Variants in GPRC6A observed in about 807,000 individuals in gnomAD.
The protein encoded by GPRC6A is G protein-coupled receptor family C group 6 member A.
GPRC6A carries 54 observed loss-of-function variants against 47.0 expected under a neutral mutation model. The observed-to-expected ratio is 1.15, with a 90% CI of 0.92 to 1.44. GPRC6A has a LOEUF of 1.44. Among genes scored for constraint, GPRC6A ranks in the 40% most tolerant of loss-of-function variants. The pLI, the probability that GPRC6A is intolerant of heterozygous loss-of-function variation, is 0.00. For synonymous variants in GPRC6A, 347 were observed against 377.1 expected, an observed-to-expected ratio of 0.92 and a Z score of 0.93; for missense variants, 1,112 against 1,105.5, an observed-to-expected ratio of 1.01 and a Z score of -0.08.
chr6:116,812,525 A>C (rs919304722), intron 1 of GPRC6A, among the ~76,000 whole-genome samples: 1 of 152,200 alleles, frequency 6.6e-6, no homozygotes, highest in Non-Finnish European at 1.5e-5. Flanking sequence ...AGAAAACAAC[A>C]TAGAATATAT....
intron 3 of GPRC6A, among the ~76,000 whole-genome samples, chr6:116,804,750 T>C (rs1772785305): frequency 1.3e-5 from 2 of 152,104 alleles, no homozygotes; most frequent in Admixed American, 6.6e-5. Flanking sequence ...TTATTCCTAA[T>C]TTAAAATACT....
At chr6:116,812,263 T>G (rs185392852) in intron 1 of GPRC6A, among the ~76,000 whole-genome samples, 1 of 152,224 alleles carries the variant, frequency 6.6e-6, no homozygotes, top group East Asian at 1.9e-4. Context: ...GGATACTATA[T>G]CCAGAAAACT....
chr6:116,816,595 C>T (rs1056984832), intron 1 of GPRC6A, among the ~76,000 whole-genome samples: 6 of 152,318 alleles, frequency 3.9e-5, no homozygotes, highest in South Asian at 4.1e-4. Flanking sequence ...ACGCAGAAGA[C>T]GGGTGATTTC....
chr6:116,825,652 A>G (rs1245110153), intron 1 of GPRC6A, among the ~76,000 whole-genome samples: 2 of 151,948 alleles, frequency 1.3e-5, no homozygotes, highest in Non-Finnish European at 2.9e-5. Context: ...AAACCAACAT[A>G]TGGAGTCAAT....
intron 4 of GPRC6A, among the ~76,000 whole-genome samples, chr6:116,798,465 T>C: frequency 6.6e-6 from 1 of 152,112 alleles, no homozygotes; most frequent in East Asian, 1.9e-4. Flanking sequence ...GTCAGGTTCG[T>C]ACTGGGGGTA....
At chr6:116,820,581 C>A (rs1347635319) in intron 1 of GPRC6A, among the ~76,000 whole-genome samples, 4 of 148,372 alleles carry the variant, frequency 2.7e-5, no homozygotes, top group Non-Finnish European at 4.5e-5. Flanking sequence ...TGTAATCCAG[C>A]ATATAAACAG....
chr6:116,798,955 G>A (rs1218008849), intron 4 of GPRC6A, among the ~76,000 whole-genome samples: 1 of 152,034 alleles, frequency 6.6e-6, no homozygotes, highest in Admixed American at 6.6e-5. Flanking sequence ...CAATAATCTG[G>A]GTGAGAAGTG....
Position 116,792,889 on chromosome 6 carries a change from C to T in GPRC6A, c.2034G>A (p.Leu678=). ...CTAGCAAAATTTTCAGAGACTTCGT[C>T]AAAATGCAGGAGATGCAAAGAGTAA... The part of the protein sequence containing the change: ...VSFTLCISCI[L]TKSLKILLAF... The change falls in exon 6 of 6, where the codon TTG becomes TTA. Residue 678 remains leucine, a synonymous_variant. Coordinates refer to ENST00000310357, the MANE Select transcript of GPRC6A (RefSeq NM_148963.4). The T allele has an allele frequency of 6.2e-7, 1 of 1,614,058 alleles. No individual in the cohort carries two copies. The highest frequency in any genetic ancestry group is 8.5e-7 in the Non-Finnish European group (1 of 1,179,992).
intron 1 of GPRC6A, among the ~76,000 whole-genome samples, chr6:116,820,183 C>A (rs1365606432): frequency 6.6e-6 from 1 of 151,558 alleles, no homozygotes; most frequent in Admixed American, 6.6e-5. Flanking sequence ...CTGAATAGAC[C>A]AATAACAGGA....
At chr6:116,827,222 A>G (rs1329071595) in intron 1 of GPRC6A, among the ~76,000 whole-genome samples, 2 of 152,020 alleles carry the variant, frequency 1.3e-5, no homozygotes, top group Non-Finnish European at 2.9e-5. Flanking sequence ...CCCAATATAT[A>G]GAAGTGACAA....
At chr6:116,805,971 T>G (rs1461551781) in intron 3 of GPRC6A, among the ~76,000 whole-genome samples, 1 of 152,116 alleles carries the variant, frequency 6.6e-6, no homozygotes, top group Non-Finnish European at 1.5e-5. Context: ...CAGTTGTATT[T>G]CTGGTACTCC....
chr6:116,828,698 C>T, intron 1 of GPRC6A, 122 bp downstream of exon 1: 1 of 813,128 alleles, frequency 1.2e-6, no homozygotes, highest in Non-Finnish European at 1.8e-6. Context: ...CCATATGCAA[C>T]TTAAAAATAC....
At position 116,806,572 on chromosome 6, in the gene GPRC6A, T is replaced by C; in HGVS notation, c.1133A>G (p.Asn378Ser). ...KDTDLSQCIF[N>S]HSQRTLAYKA... ...GTAGGCCAAAGTCCTTTGAGAATGA[T>C]TGAATATGCATTGACTCAAATCAGT... is the stretch of plus-strand genomic sequence containing the variant. Residue 378 changes from asparagine (N) to serine (S), a missense_variant, in exon 3 of 6, where the codon AAT becomes AGT. Physicochemically the swap from Asn to Ser is conservative, Grantham distance 46. Transcript: ENST00000310357. 4 of 1,613,616 alleles carry C rather than the reference T, an allele frequency of 2.5e-6. No individual in the cohort carries two copies. The highest frequency in any genetic ancestry group is 8.5e-7 in the Non-Finnish European group (1 of 1,179,756).
At chr6:116,814,417 T>C (rs933933197) in intron 1 of GPRC6A, among the ~76,000 whole-genome samples, 3 of 152,164 alleles carry the variant, frequency 2.0e-5, no homozygotes, top group Admixed American at 6.5e-5. Flanking sequence ...TGGAGTACTA[T>C]GCAGCCATAA....
Position 116,828,895 on chromosome 6 carries a change from C to A in GPRC6A, c.119G>T (p.Gly40Val). ...ATSPGHIIIG[G>V]LFAIHEKMLS... ...CATTTTTTCATGAATAGCAAACAAA[C>A]CTCCAATTATGATATGTCCCGGAGA... Residue 40 changes from glycine to valine, a missense_variant, in exon 1 of 6, where the codon GGT becomes GTT. By Grantham distance (109) the Gly-to-Val change is moderately radical. Coordinates refer to ENST00000310357, the MANE Select transcript of GPRC6A (RefSeq NM_148963.4). 3 of 1,613,306 alleles carry A rather than the reference C, an allele frequency of 1.9e-6. No homozygotes were observed. Among genetic ancestry groups the A allele is most frequent in the Non-Finnish European group, 2.5e-6 (3 of 1,179,562 alleles).
chr6:116,803,170 C>T (rs1380370795), intron 3 of GPRC6A, among the ~76,000 whole-genome samples: 1 of 152,116 alleles, frequency 6.6e-6, no homozygotes, highest in Admixed American at 6.6e-5. Flanking sequence ...TGCTCTCTGT[C>T]ATCATTTACA....
At chr6:116,813,670 G>A (rs1275569773) in intron 1 of GPRC6A, among the ~76,000 whole-genome samples, 2 of 152,114 alleles carry the variant, frequency 1.3e-5, no homozygotes, top group East Asian at 1.9e-4. Context: ...AGAAAACCTA[G>A]GCAGTACCAT....
chr6:116,818,185 A>G (rs868826484), intron 1 of GPRC6A, among the ~76,000 whole-genome samples: 58 of 149,436 alleles, frequency 3.9e-4, no homozygotes, highest in Admixed American at 8.6e-4. Context: ...CGGATCTCTC[A>G]GCAGAAACCC....
chr6:116,807,501 G>A (rs1016706685), intron 2 of GPRC6A, among the ~76,000 whole-genome samples: 23 of 152,210 alleles, frequency 1.5e-4, no homozygotes, highest in Admixed American at 2.6e-4. Flanking sequence ...GGCCAAGGGT[G>A]GATATTATTT....
Sources: allele counts gnomAD v4.1 joint callset (sites outside exome capture counted in the v4.1 genomes callset), GRCh38; gene constraint gnomAD v4.1.1; transcripts MANE v1.5; gene names NCBI Gene and HGNC (gene_info 2026-07-23, HGNC 2026-07-21).